The following CEP97 variants were observed in gnomAD, a reference collection of about 807,000 sequenced individuals.
CEP97 encodes the protein centrosomal protein of 97 kDa.
In CEP97, 43 loss-of-function variants were observed where a neutral mutation model predicts 73.1. The observed-to-expected ratio is 0.59, with a 90% CI of 0.46 to 0.76. CEP97 has a LOEUF of 0.76. Among genes scored for constraint, CEP97 ranks in the 30% least tolerant of loss-of-function variants. CEP97 has a pLI of 0.00. For missense variants in CEP97, 939 were observed against 1,014.0 expected, an observed-to-expected ratio of 0.93 and a Z score of 1.00; for synonymous variants, 337 against 370.0, an observed-to-expected ratio of 0.91 and a Z score of 1.02.
chr3:101,727,651 A>T (rs1050379873), intron 3 of CEP97, 110 bp downstream of exon 3: 2 of 791,538 alleles, frequency 2.5e-6, no homozygotes, highest in Non-Finnish European at 4.0e-6. Flanking sequence ...CTCTCCAGGG[A>T]TAATCTCTGT....
Position 101,727,553 on chromosome 3 carries a change from CT to C in CEP97, c.345+18del. The C allele has an allele frequency of 6.3e-7, 1 of 1,584,210 alleles. No homozygotes were observed. The highest frequency in any genetic ancestry group is 8.6e-7 in the Non-Finnish European group (1 of 1,167,044). ...GAAATAATCTTAAGGTGAATGGTTTCTTTTTTGTTTACAAAACTATTCTGCG... is the reference window on the plus strand; with the variant it reads ...GAAATAATCTTAAGGTGAATGGTTTCTTTTTGTTTACAAAACTATTCTGCG... On this transcript the variant is annotated intron_variant, in intron 3 of 10. Coordinates refer to ENST00000341893, the MANE Select transcript of CEP97 (RefSeq NM_024548.4).
In CEP97 at chr3:101,765,288, G is replaced by T. The variant is rs1316903606; in HGVS notation, c.2335G>T (p.Val779Phe). ...NSLLEQYLTS[V>F]QQLEDADERT... Reference sequence around the variant, plus strand: ...TCTGCTTGAACAGTATTTAACTTCAGTTCAACAGCTGGAAGATGCTGATGA... The same window carrying T: ...TCTGCTTGAACAGTATTTAACTTCATTTCAACAGCTGGAAGATGCTGATGA... The change falls in exon 11 of 11, where the codon GTT becomes TTT. Residue 779 changes from valine to phenylalanine, a missense_variant. Coordinates refer to ENST00000341893, the MANE Select transcript of CEP97 (RefSeq NM_024548.4). The T allele has an allele frequency of 6.2e-7, 1 of 1,614,038 alleles. No homozygotes were observed. Among genetic ancestry groups the T allele is most frequent in the South Asian group, 1.1e-5 (1 of 91,088 alleles).
intron 6 of CEP97, among the ~76,000 whole-genome samples, chr3:101,737,210 C>A (rs575531782): frequency 1.3e-5 from 2 of 152,044 alleles, no homozygotes; most frequent in East Asian, 1.9e-4. Context: ...CCAAACTTAA[C>A]GTTTTATTGG....
In CEP97 at chr3:101,758,126, C is replaced by G; in HGVS notation, c.1520C>G (p.Ser507Ter). The change falls in exon 9 of 11, where the codon TCA (serine) becomes TGA (stop). Residue 507 changes from serine (S) to a stop codon, truncating the protein, a stop_gained. Coordinates refer to ENST00000341893, the MANE Select transcript of CEP97 (RefSeq NM_024548.4). LOFTEE classifies it high-confidence loss of function. ...DNHSLTFFPE[S>*]TEQKQSDIKK... ...CACAGTCTTACATTTTTTCCTGAGT[C>G]AACTGAGCAGAAACAATCAGACATA... 6.2e-7 allele frequency: 1 copy of G among 1,614,110 alleles called. No homozygotes were observed.
At chr3:101,731,235 C>A (rs1404672712) in intron 4 of CEP97, among the ~76,000 whole-genome samples, 1 of 136,324 alleles carries the variant, frequency 7.3e-6, no homozygotes, top group Admixed American at 8.1e-5. Flanking sequence ...CAGAGTCTTG[C>A]TGTCACCCAG....
In CEP97 at chr3:101,754,243, G is replaced by A. The variant is rs2466364; in HGVS notation, c.729-1187G>A. On this transcript the variant is annotated intron_variant, in intron 6 of 10. Transcript: ENST00000341893. ...CCCTTCTTCTGTACTATTTTGAAGC[G>A]GATCTCAGATTACATATCATTTCAC... 4.0e-5 allele frequency among the ~76,000 whole-genome samples: 6 copies of A among 151,844 alleles called. No individual in the cohort carries two copies. The South Asian group carries it at 1.3e-3, about 32-fold the overall frequency.
Position 101,757,827 on chromosome 3 carries a change from A to G in CEP97, c.1221A>G (p.Pro407=), listed in dbSNP as rs771416730. The G allele has an allele frequency of 7.4e-6, 12 of 1,614,140 alleles. No homozygotes were observed. Among genetic ancestry groups the G allele is most frequent in the South Asian group, 2.2e-5 (2 of 91,092 alleles). ...TCTCTTCAGAGTCTACTTTTATGCC[A>G]GTTGCATCAGGACTGTCTCCACTAT... ...SLLSSESTFM[P]VASGLSPLSP... The change falls in exon 9 of 11, where the codon CCA becomes CCG. Residue 407 remains proline (P), a synonymous_variant. Coordinates refer to ENST00000341893, the MANE Select transcript of CEP97 (RefSeq NM_024548.4).
intron 3 of CEP97, 89 bp downstream of exon 3, chr3:101,727,630 A>G: frequency 9.6e-7 from 1 of 1,044,090 alleles, no homozygotes; most frequent in East Asian, 2.5e-5. Context: ...AAGTGAAAGT[A>G]CCCACTCCCA....
intron 6 of CEP97, among the ~76,000 whole-genome samples, chr3:101,744,173 A>G (rs559728150): frequency 6.6e-6 from 1 of 152,268 alleles, no homozygotes; most frequent in African/African-American, 2.4e-5. Flanking sequence ...CTTCACATGT[A>G]TACTGTATAG....
At chr3:101,757,585 A>C (rs762552152) in intron 8 of CEP97, 49 bp from the exon 9 acceptor site, 4 of 1,519,792 alleles carry the variant, frequency 2.6e-6, no homozygotes, top group Non-Finnish European at 3.6e-6. Flanking sequence ...GGACATAACT[A>C]AAATGTAAAC....
chr3:101,758,155 A>T lies in CEP97; in HGVS notation c.1549A>T (p.Lys517Ter). Residue 517 changes from lysine to a stop codon, truncating the protein, a stop_gained, in exon 9 of 11, where the codon AAA becomes TAA. Coordinates refer to ENST00000341893, the MANE Select transcript of CEP97 (RefSeq NM_024548.4). LOFTEE classifies it high-confidence loss of function. ...STEQKQSDIK[K>*]PENTQPENKE... ...TGAGCAGAAACAATCAGACATAAAG[A>T]AACCAGAAAATACACAACCAGAAAA... 2 of 1,613,608 alleles carry T rather than the reference A, an allele frequency of 1.2e-6. No individual in the cohort carries two copies. The highest frequency in any genetic ancestry group is 1.7e-6 in the Non-Finnish European group (2 of 1,179,918).
rs1200754198 is a variant in CEP97 at position 101,765,329 on chromosome 3, TAC to T, written c.2378_2379del (p.Thr793ArgfsTer5). On this transcript the variant is annotated frameshift_variant, in exon 11 of 11. Coordinates refer to ENST00000341893, the MANE Select transcript of CEP97 (RefSeq NM_024548.4). LOFTEE classifies it low-confidence loss of function (END_TRUNC). ...EDADERTNFD[T>X]ETRDSKLHIA... ...ATGCTGATGAGAGGACCAATTTTGA[TAC>T]AGAGACAAGAGATAGCAAACTTCAC... 7 of 1,614,144 alleles carry T rather than the reference TAC, an allele frequency of 4.3e-6. No individual in the cohort carries two copies. The highest frequency in any genetic ancestry group is 3.3e-4 in the Middle Eastern group (2 of 6,062).
At chr3:101,728,140 A>G (rs375807265) in intron 3 of CEP97, among the ~76,000 whole-genome samples, 4 of 152,352 alleles carry the variant, frequency 2.6e-5, no homozygotes, top group East Asian at 3.8e-4. Context: ...AACTTGCTCA[A>G]GGTCACACAG....
At chr3:101,756,229 T>C (rs1277088412) in intron 7 of CEP97, among the ~76,000 whole-genome samples, 2 of 151,732 alleles carry the variant, frequency 1.3e-5, no homozygotes, top group African/African-American at 4.8e-5. Context: ...CTAGCTAATA[T>C]TTTATTTTTA....
chr3:101,753,515 T>C (rs1030088764), intron 6 of CEP97, among the ~76,000 whole-genome samples: 20 of 152,230 alleles, frequency 1.3e-4, no homozygotes, highest in African/African-American at 4.3e-4. Flanking sequence ...AGGTGGAGCC[T>C]ACAGAGGCAG....
chr3:101,757,308 T>A, intron 8 of CEP97, 112 bp downstream of exon 8: 7 of 1,170,118 alleles, frequency 6.0e-6, no homozygotes, highest in African/African-American at 1.6e-5. Flanking sequence ...TTTACTAACT[T>A]CAGTAATCAT....
Position 101,724,647 on chromosome 3 carries a change from G to A in CEP97, c.-30G>A. On this transcript the variant is annotated 5_prime_UTR_variant, in exon 1 of 11. Transcript: ENST00000341893. Reference sequence around the variant, plus strand: ...AGCTCCACAGAGCCGCGGGAGGACGGTTGCCTGGTATTATTAGCAAGCAGC... The same window carrying A: ...AGCTCCACAGAGCCGCGGGAGGACGATTGCCTGGTATTATTAGCAAGCAGC... 6.2e-7 allele frequency: 1 copy of A among 1,614,024 alleles called. No individual in the cohort carries two copies.
rs72935896 is a variant in CEP97, at chr3:101,763,782, C to T, written c.1894-1065C>T. ...TAATACTTAAAAACTGTAATCTCTA[C>T]CTGGGTATCTAAAATGAGACTTATT... On this transcript the variant is annotated intron_variant, in intron 10 of 10. Transcript: ENST00000341893. Among the ~76,000 whole-genome samples the T allele has an allele frequency of 2.6e-3, 391 of 152,216 alleles. 1 individual carries two copies. The highest frequency in any genetic ancestry group is 8.9e-3 in the African/African-American group (369 of 41,536).
intron 1 of CEP97, among the ~76,000 whole-genome samples, chr3:101,725,607 C>T (rs1382724602): frequency 6.6e-6 from 1 of 152,166 alleles, no homozygotes; most frequent in Non-Finnish European, 1.5e-5. Flanking sequence ...CAGAGGGGCT[C>T]ACGACTCCTC....
Sources: allele counts gnomAD v4.1 joint callset (sites outside exome capture counted in the v4.1 genomes callset), GRCh38; gene constraint gnomAD v4.1.1; transcripts MANE v1.5; gene names NCBI Gene and HGNC (gene_info 2026-07-23, HGNC 2026-07-21).